ROBO1: variants seen among roughly 807,000 people sequenced by gnomAD.
ROBO1 encodes the protein roundabout homolog 1.
In ROBO1, 149 loss-of-function variants were observed where a neutral mutation model predicts 195.9. The observed-to-expected ratio is 0.76, with a 90% CI of 0.67 to 0.87. The LOEUF is 0.87. Among genes scored for constraint, ROBO1 ranks in the 40% least tolerant of loss-of-function variants. The pLI is 0.00. For missense variants in ROBO1, 1,933 were observed against 2,068.3 expected, an observed-to-expected ratio of 0.93 and a Z score of 1.27; for synonymous variants, 816 against 733.2, an observed-to-expected ratio of 1.11 and a Z score of -1.82.
At chr3:79,738,024 A>G (rs937102399) in intron 1 of ROBO1, among the ~76,000 whole-genome samples, 4 of 152,240 alleles carry the variant, frequency 2.6e-5, no homozygotes, top group East Asian at 1.9e-4. Flanking sequence ...AGGAGTGACA[A>G]TGTACTTCTT....
intron 3 of ROBO1, among the ~76,000 whole-genome samples, chr3:78,962,893 A>C (rs1386191446): frequency 1.3e-5 from 2 of 151,588 alleles, no homozygotes; most frequent in Non-Finnish European, 2.9e-5. Flanking sequence ...TCAGTACAAG[A>C]CGAGTGAAGT....
At chr3:79,523,621 C>T (rs1260219686) in intron 2 of ROBO1, among the ~76,000 whole-genome samples, 1 of 151,598 alleles carries the variant, frequency 6.6e-6, no homozygotes, top group Admixed American at 6.6e-5. Context: ...TACAGGCGCC[C>T]GCCACCACAC....
In ROBO1 at chr3:78,614,766, C is replaced by T; in HGVS notation, c.4317G>A (p.Arg1439=). 6.2e-7 allele frequency: 1 copy of T among 1,611,798 alleles called. No individual in the cohort carries two copies. ...TGTCTGTAGACACGGGACTTGTGGG[C>T]CTAGGGCACTGAGACGCATGAAAAT... The part of the protein sequence containing the change: ...RRHFHASQCP[R]PTSPVSTDSN... Residue 1439 remains arginine (R), a synonymous_variant, in exon 28 of 31, where the codon AGG becomes AGA. Coordinates refer to ENST00000464233, the MANE Select transcript of ROBO1 (RefSeq NM_002941.4).
intron 4 of ROBO1, among the ~76,000 whole-genome samples, chr3:78,790,423 A>G (rs1178382535): frequency 1.3e-5 from 2 of 152,234 alleles, no homozygotes; most frequent in African/African-American, 4.8e-5. Flanking sequence ...ATTAGAGTAC[A>G]TGAGATATTC....
intron 2 of ROBO1, among the ~76,000 whole-genome samples, chr3:79,480,136 G>A (rs1938761091): frequency 6.6e-6 from 1 of 152,042 alleles, no homozygotes; most frequent in Non-Finnish European, 1.5e-5. Flanking sequence ...AACTACAATT[G>A]TTTTACAAAG....
At chr3:78,814,240 T>A (rs2084831928) in intron 4 of ROBO1, among the ~76,000 whole-genome samples, 1 of 152,088 alleles carries the variant, frequency 6.6e-6, no homozygotes, top group Non-Finnish European at 1.5e-5. Flanking sequence ...TGATATAATG[T>A]GAGCCACATA....
At chr3:79,502,382 G>C (rs979924375) in intron 2 of ROBO1, among the ~76,000 whole-genome samples, 21 of 152,184 alleles carry the variant, frequency 1.4e-4, no homozygotes, top group African/African-American at 4.6e-4. Flanking sequence ...GGGCAGTGAG[G>C]GGCTTAGCAC....
At position 79,166,569 on chromosome 3, in the gene ROBO1, T is replaced by TTA. The variant is rs1553693461; in HGVS notation, c.89-41031_89-41030insTA. Among the ~76,000 whole-genome samples the TTA allele has an allele frequency of 2.7e-5, 4 of 149,966 alleles. 1 individual carries two copies. Among genetic ancestry groups the TTA allele is most frequent in the African/African-American group, 9.8e-5 (4 of 40,778 alleles). On this transcript the variant is annotated intron_variant, in intron 2 of 30. Coordinates refer to ENST00000464233, the MANE Select transcript of ROBO1 (RefSeq NM_002941.4). ...CAAGTTTTCTATTTTTCTTTTTTTT[T>TTA]TTTTTTTTATTTTTGAGATGGAGTC... is the stretch of plus-strand genomic sequence containing the variant.
At chr3:78,630,083 T>C (rs1705093145) in intron 25 of ROBO1, among the ~76,000 whole-genome samples, 1 of 152,186 alleles carries the variant, frequency 6.6e-6, no homozygotes, top group Non-Finnish European at 1.5e-5. Context: ...ATCTACGAAA[T>C]CAGCTTTGCT....
At chr3:78,898,841 C>A (rs1408698075) in intron 4 of ROBO1, among the ~76,000 whole-genome samples, 1 of 151,970 alleles carries the variant, frequency 6.6e-6, no homozygotes, top group East Asian at 1.9e-4. Flanking sequence ...AGTGATTTTT[C>A]TTTCTTCTTA....
intron 5 of ROBO1, among the ~76,000 whole-genome samples, chr3:78,727,538 T>A (rs1195413120): frequency 6.6e-6 from 1 of 152,114 alleles, no homozygotes; most frequent in Non-Finnish European, 1.5e-5. Flanking sequence ...GGCAGGAGAA[T>A]GGCGTGAACC....
intron 1 of ROBO1, among the ~76,000 whole-genome samples, chr3:79,693,383 TTGTGTGTGTGTGTGTGTGTGTGTG>T (rs55667736): frequency 6.9e-6 from 1 of 145,122 alleles, no homozygotes; most frequent in Admixed American, 6.9e-5. Flanking sequence ...ATATAGAGAT[TTGTGTGTGTGTGTGTGTGTGTGTG>T]TGTGTGTGTG....
At chr3:78,604,582 C>T (rs1317584885) in intron 29 of ROBO1, among the ~76,000 whole-genome samples, 5 of 152,148 alleles carry the variant, frequency 3.3e-5, no homozygotes, top group Admixed American at 2.6e-4. Context: ...TTATCAAGGA[C>T]ATTGTGGTCA....
At chr3:78,985,583 G>A (rs1007585758) in intron 3 of ROBO1, among the ~76,000 whole-genome samples, 4 of 151,934 alleles carry the variant, frequency 2.6e-5, no homozygotes, top group Middle Eastern at 3.4e-3. Context: ...CTGACATTTC[G>A]GGCCACATCA....
intron 2 of ROBO1, among the ~76,000 whole-genome samples, chr3:79,349,644 G>A (rs769348234): frequency 6.6e-6 from 1 of 152,092 alleles, no homozygotes; most frequent in Non-Finnish European, 1.5e-5. Context: ...AAAATTGAGA[G>A]CCCAGAAACA....
intron 2 of ROBO1, among the ~76,000 whole-genome samples, chr3:79,529,296 G>C (rs1051802167): frequency 6.6e-6 from 1 of 152,052 alleles, no homozygotes; most frequent in Non-Finnish European, 1.5e-5. Flanking sequence ...AGCCTAGGTA[G>C]CATGGCAAGT....
At chr3:78,988,497 T>A (rs778616252) in intron 3 of ROBO1, among the ~76,000 whole-genome samples, 1 of 152,132 alleles carries the variant, frequency 6.6e-6, no homozygotes, top group Non-Finnish European at 1.5e-5. Flanking sequence ...ATTACTTTTA[T>A]CTCCAGAGAC....
chr3:78,996,683 C>A (rs2077374371), intron 3 of ROBO1, among the ~76,000 whole-genome samples: 1 of 152,066 alleles, frequency 6.6e-6, no homozygotes, highest in Non-Finnish European at 1.5e-5. Flanking sequence ...TAGATCCACA[C>A]AAACACACAC....
intron 1 of ROBO1, among the ~76,000 whole-genome samples, chr3:79,658,390 C>T (rs900151993): frequency 2.6e-5 from 4 of 151,954 alleles, no homozygotes; most frequent in Non-Finnish European, 4.4e-5. Context: ...AAATATTTTT[C>T]CCAGCTTCCA....
Sources: allele counts gnomAD v4.1 joint callset (sites outside exome capture counted in the v4.1 genomes callset), GRCh38; gene constraint gnomAD v4.1.1; transcripts MANE v1.5; gene names NCBI Gene and HGNC (gene_info 2026-07-23, HGNC 2026-07-21).